The following PDE7A variants were observed in gnomAD, a reference collection of about 807,000 sequenced individuals.
The protein encoded by PDE7A is phosphodiesterase 7A.
In PDE7A, 39 loss-of-function variants were observed where a neutral mutation model predicts 64.3. The observed-to-expected ratio is 0.61, with a 90% CI of 0.47 to 0.79. The LOEUF (loss-of-function observed/expected upper bound fraction) is 0.79. Among genes scored for constraint, PDE7A ranks in the 30% least tolerant of loss-of-function variants. The pLI is 0.00. For synonymous variants in PDE7A, 203 were observed against 206.8 expected (o/e 0.98, Z 0.16); for missense variants, 470 against 582.8 (o/e 0.81, Z 1.99).
intron 3 of PDE7A, among the ~76,000 whole-genome samples, chr8:65,756,471 T>C (rs975275407): frequency 1.3e-5 from 2 of 152,170 alleles, no homozygotes; most frequent in African/African-American, 4.8e-5. Flanking sequence ...AATGGACAGT[T>C]TGAATTATCT....
chr8:65,755,592 C>T (rs1342837881), intron 3 of PDE7A, among the ~76,000 whole-genome samples: 1 of 152,138 alleles, frequency 6.6e-6, no homozygotes, highest in Non-Finnish European at 1.5e-5. Context: ...GTGCCCATTA[C>T]CACAGACATA....
At chr8:65,745,342 C>T (rs1326979515) in intron 5 of PDE7A, 65 bp downstream of exon 5, 14 of 912,664 alleles carry the variant, frequency 1.5e-5, no homozygotes, top group East Asian at 1.2e-4. Flanking sequence ...AACGCACCAG[C>T]GGCTGCACCA....
At chr8:65,761,108 A>G (rs1585886563) in intron 3 of PDE7A, among the ~76,000 whole-genome samples, 1 of 151,146 alleles carries the variant, frequency 6.6e-6, no homozygotes, top group Non-Finnish European at 1.5e-5. Flanking sequence ...GGCGTAGGCT[A>G]GAGTGCAGTG....
intron 1 of PDE7A, among the ~76,000 whole-genome samples, chr8:65,837,530 A>G (rs984845758): frequency 6.6e-6 from 1 of 152,196 alleles, no homozygotes; most frequent in African/African-American, 2.4e-5. Flanking sequence ...GCCTGAACAT[A>G]ATTTTACACA....
In PDE7A at chr8:65,747,635, A is replaced by C. The variant is rs750477608; in HGVS notation, c.435+17T>G. Reference sequence around the variant, plus strand: ...CTTATCAAAAAATTAATGTTTTCTTAAAAAAACTATACACACCTTGGCTTG... The same window carrying C: ...CTTATCAAAAAATTAATGTTTTCTTCAAAAAACTATACACACCTTGGCTTG... On this transcript the variant is annotated intron_variant, in intron 4 of 12. Coordinates refer to ENST00000401827, the MANE Select transcript of PDE7A (RefSeq NM_001242318.3). 6.5e-7 allele frequency: 1 copy of C among 1,545,396 alleles called. No homozygotes were observed.
chr8:65,763,288 C>T (rs767882000), intron 3 of PDE7A, among the ~76,000 whole-genome samples: 92 of 151,980 alleles, frequency 6.1e-4, no homozygotes, highest in Non-Finnish European at 6.9e-4. Context: ...AAAAAGGTTA[C>T]ATACGGTGGC....
rs572253175 is a variant in PDE7A, at chr8:65,715,089, T to C, written c.*4201A>G. Among the ~76,000 whole-genome samples the C allele has an allele frequency of 2.6e-4, 40 of 152,292 alleles. No individual in the cohort carries two copies. The highest frequency in any genetic ancestry group is 7.2e-4 in the African/African-American group (30 of 41,560). On this transcript the variant is annotated 3_prime_UTR_variant, in exon 13 of 13. Coordinates refer to ENST00000401827, the MANE Select transcript of PDE7A (RefSeq NM_001242318.3). ...AGCCAAGAGGCCCAAAGGGTGGCCA[T>C]GTGTGTGAAAATTTTTAGTCTCCCA...
intron 1 of PDE7A, among the ~76,000 whole-genome samples, chr8:65,814,103 C>A (rs1011191735): frequency 6.6e-6 from 1 of 151,968 alleles, no homozygotes; most frequent in Admixed American, 6.6e-5. Flanking sequence ...ATAACCAATG[C>A]AGTAACACAG....
intron 1 of PDE7A, among the ~76,000 whole-genome samples, chr8:65,824,672 G>T (rs1292095762): frequency 6.6e-6 from 1 of 152,208 alleles, no homozygotes; most frequent in African/African-American, 2.4e-5. Flanking sequence ...CCAGCAGAAA[G>T]ATTACAACTT....
At chr8:65,765,031 G>C (rs1322245600) in intron 3 of PDE7A, among the ~76,000 whole-genome samples, 2 of 152,146 alleles carry the variant, frequency 1.3e-5, no homozygotes, top group Admixed American at 1.3e-4. Flanking sequence ...AATATACTCA[G>C]TCTCTACTAT....
intron 3 of PDE7A, among the ~76,000 whole-genome samples, chr8:65,768,910 T>C (rs1029189685): frequency 3.9e-5 from 6 of 152,144 alleles, no homozygotes; most frequent in African/African-American, 1.4e-4. Context: ...TGACAGATGC[T>C]ATCTGAGGAA....
At chr8:65,761,014 C>T (rs1283170036) in intron 3 of PDE7A, among the ~76,000 whole-genome samples, 4 of 152,062 alleles carry the variant, frequency 2.6e-5, no homozygotes, top group East Asian at 1.9e-4. Flanking sequence ...AAAAGCTCAC[C>T]CTCTGGCTGT....
chr8:65,797,255 A>T (rs1190975693), intron 1 of PDE7A, among the ~76,000 whole-genome samples: 1 of 152,200 alleles, frequency 6.6e-6, no homozygotes, highest in Non-Finnish European at 1.5e-5. Context: ...AGGTTTTTGC[A>T]AATGTAATCA....
In PDE7A at chr8:65,726,796, T is replaced by G. The variant is rs1000888906; in HGVS notation, c.920+79A>C. The G allele has an allele frequency of 1.3e-5, 10 of 760,224 alleles. No homozygotes were observed. The South Asian group carries it at 1.7e-4, about 13-fold the overall frequency. The allele number at this position is 760,224 out of a possible 1,614,324, so 47.1% of individuals were successfully genotyped here. A position where few individuals can be genotyped will look rare whatever the true frequency, so the allele number is the denominator to read the frequency against. On this transcript the variant is annotated intron_variant, in intron 9 of 12. Coordinates refer to ENST00000401827, the MANE Select transcript of PDE7A (RefSeq NM_001242318.3). The stretch of plus-strand genomic sequence containing the variant: ...TGTGGAACACCTGAACATAACAATT[T>G]TTAAAACTTTATAAAATTACTTTGC...
intron 3 of PDE7A, among the ~76,000 whole-genome samples, chr8:65,763,433 C>T (rs1158241482): frequency 1.3e-5 from 2 of 151,928 alleles, no homozygotes; most frequent in East Asian, 1.9e-4. Flanking sequence ...GGCGTGGTGG[C>T]GCAGGTCTGT....
chr8:65,758,761 A>C (rs1006434823), intron 3 of PDE7A, among the ~76,000 whole-genome samples: 1 of 152,200 alleles, frequency 6.6e-6, no homozygotes, highest in Non-Finnish European at 1.5e-5. Context: ...AAATCCATGC[A>C]GTACCTTCTG....
intron 3 of PDE7A, among the ~76,000 whole-genome samples, chr8:65,755,615 T>C (rs7822707): frequency 0.42 from 63,194 of 152,134 alleles, 15,149 homozygotes; most frequent in Non-Finnish European, 0.56. Context: ...TATTGTTACA[T>C]GCATTTGCCT....
chr8:65,766,913 T>C (rs755608203), intron 3 of PDE7A, among the ~76,000 whole-genome samples: 1 of 151,786 alleles, frequency 6.6e-6, no homozygotes, highest in East Asian at 1.9e-4. Context: ...GGGATGAGAG[T>C]TGAGGAAGTT....
At chr8:65,774,683 ATATC>A (rs1809206736) in intron 3 of PDE7A, among the ~76,000 whole-genome samples, 1 of 151,698 alleles carries the variant, frequency 6.6e-6, no homozygotes, top group Non-Finnish European at 1.5e-5. Flanking sequence ...TTATTTGAAA[ATATC>A]TAATGGCTAA....
Sources: allele counts gnomAD v4.1 joint callset (sites outside exome capture counted in the v4.1 genomes callset), GRCh38; gene constraint gnomAD v4.1.1; transcripts MANE v1.5; gene names NCBI Gene and HGNC (gene_info 2026-07-23, HGNC 2026-07-21).